HTR1F: variants seen among roughly 807,000 people sequenced by gnomAD.
The protein encoded by HTR1F is 5-hydroxytryptamine receptor 1F, also known as 5-hydroxytryptamine (serotonin) receptor 1F, G protein-coupled.
In HTR1F, 17 loss-of-function variants were observed where a neutral mutation model predicts 24.0. That is an observed-to-expected ratio of 0.71 (90% confidence interval 0.48 to 1.06). The LOEUF (loss-of-function observed/expected upper bound fraction) is 1.06, where lower values mean the gene tolerates loss of function less well. HTR1F is among the 50% of genes least tolerant of loss of function. HTR1F has a pLI of 0.00. For synonymous variants in HTR1F, 186 were observed against 156.8 expected, an observed-to-expected ratio of 1.19 and a Z score of -1.39; for missense variants, 391 against 427.8, an observed-to-expected ratio of 0.91 and a Z score of 0.76.
At chr3:87,904,635 C>G (rs1297687781) in intron 2 of HTR1F, among the ~76,000 whole-genome samples, 1 of 152,028 alleles carries the variant, frequency 6.6e-6, no homozygotes, top group Non-Finnish European at 1.5e-5. Context: ...GTGGTATGGT[C>G]ATATCATACA....
rs1251550667 is a variant in HTR1F at position 87,813,471 on chromosome 3, TG to T, written c.-159-8536del. On this transcript the variant is annotated intron_variant, in intron 1 of 2. Coordinates refer to ENST00000319595, the MANE Select transcript of HTR1F (RefSeq NM_001322209.2). ...TACAAGTTCATAGGTAGAAGAGACT[TG>T]CCTTGTCTCAGGTGAGACTTTGGAC... 4.6e-5 allele frequency among the ~76,000 whole-genome samples: 7 copies of T among 152,208 alleles called. 1 individual carries two copies. The South Asian group carries it at 1.2e-3, about 27-fold the overall frequency.
chr3:87,978,547 G>A (rs539954641), intron 2 of HTR1F, among the ~76,000 whole-genome samples: 1 of 152,186 alleles, frequency 6.6e-6, no homozygotes, highest in South Asian at 2.1e-4. Context: ...CAGGCAGGTT[G>A]TCTGTGGCCC....
At chr3:87,875,342 C>T (rs1044221217) in intron 2 of HTR1F, among the ~76,000 whole-genome samples, 3 of 151,562 alleles carry the variant, frequency 2.0e-5, no homozygotes, top group African/African-American at 7.3e-5. Context: ...CCCAGCTACT[C>T]AGAGGCTGAG....
chr3:87,990,706 A>G lies in HTR1F; in HGVS notation c.-42-2A>G, dbSNP rs1180531968. On this transcript the variant is annotated splice_acceptor_variant, in intron 2 of 2. Transcript: ENST00000319595. LOFTEE classifies it low-confidence loss of function (5UTR_SPLICE). Reference sequence around the variant, plus strand: ...ACTGTTTTTTCTCTTCCCTTGTTACAGGTATCCATTTTTCAGCTATATTAA... The same window carrying G: ...ACTGTTTTTTCTCTTCCCTTGTTACGGGTATCCATTTTTCAGCTATATTAA... The G allele has an allele frequency of 6.9e-7, 1 of 1,449,098 alleles. No homozygotes were observed. Among genetic ancestry groups the G allele is most frequent in the East Asian group, 2.3e-5 (1 of 43,866 alleles). 89.8% of individuals were successfully genotyped at this position (1,449,098 alleles called of 1,614,324 possible). A position where few individuals can be genotyped will look rare whatever the true frequency, so the allele number is the denominator to read the frequency against.
chr3:87,887,089 C>G (rs1283359107), intron 2 of HTR1F, among the ~76,000 whole-genome samples: 1 of 152,148 alleles, frequency 6.6e-6, no homozygotes, highest in South Asian at 2.1e-4. Context: ...TACAAGGCTA[C>G]AGTAACAAAA....
At chr3:87,882,076 G>A (rs1242867793) in intron 2 of HTR1F, among the ~76,000 whole-genome samples, 2 of 152,132 alleles carry the variant, frequency 1.3e-5, no homozygotes, top group African/African-American at 2.4e-5. Flanking sequence ...TCTCAAAAGA[G>A]GACATTTATG....
intron 2 of HTR1F, among the ~76,000 whole-genome samples, chr3:87,895,026 T>TA (rs1480704238): frequency 6.6e-6 from 1 of 152,132 alleles, no homozygotes; most frequent in African/African-American, 2.4e-5. Context: ...GTATTAGTCC[T>TA]AAAGGATTAA....
intron 2 of HTR1F, among the ~76,000 whole-genome samples, chr3:87,894,559 CTT>C (rs35190252): frequency 4.0e-5 from 3 of 74,656 alleles, no homozygotes; most frequent in African/African-American, 6.1e-5. Context: ...TGCCCAGCCT[CTT>C]TTTTTTTTTT....
At chr3:87,854,102 C>A (rs1036398435) in intron 2 of HTR1F, among the ~76,000 whole-genome samples, 1 of 151,538 alleles carries the variant, frequency 6.6e-6, no homozygotes, top group Admixed American at 6.6e-5. Context: ...TCACTTTGTT[C>A]GTTTCTTCTT....
chr3:87,861,207 A>C (rs1285133656), intron 2 of HTR1F, among the ~76,000 whole-genome samples: 1 of 152,142 alleles, frequency 6.6e-6, no homozygotes, highest in Non-Finnish European at 1.5e-5. Flanking sequence ...TATATCTAAG[A>C]AAGTATGCAA....
At chr3:87,988,586 C>G (rs1245087596) in intron 2 of HTR1F, among the ~76,000 whole-genome samples, 4 of 152,000 alleles carry the variant, frequency 2.6e-5, no homozygotes, top group Admixed American at 2.0e-4. Flanking sequence ...TGTTGTTGTT[C>G]TTGTTGTTGT....
chr3:87,823,120 TATATC>T (rs1367107313), intron 2 of HTR1F, among the ~76,000 whole-genome samples: 1 of 152,206 alleles, frequency 6.6e-6, no homozygotes, highest in Non-Finnish European at 1.5e-5. Flanking sequence ...CAGCATGACA[TATATC>T]ATGTAAGCTA....
chr3:87,971,367 A>C (rs1211886304), intron 2 of HTR1F, among the ~76,000 whole-genome samples: 1 of 152,026 alleles, frequency 6.6e-6, no homozygotes, highest in African/African-American at 2.4e-5. Context: ...CAGGAGCTTG[A>C]GATTAGCCTG....
intron 2 of HTR1F, among the ~76,000 whole-genome samples, chr3:87,877,282 G>T (rs981889138): frequency 3.3e-5 from 5 of 152,062 alleles, no homozygotes; most frequent in African/African-American, 9.7e-5. Flanking sequence ...TTAGTATAAG[G>T]ATTAAATGGA....
At chr3:87,885,709 C>T (rs1705923661) in intron 2 of HTR1F, among the ~76,000 whole-genome samples, 1 of 152,126 alleles carries the variant, frequency 6.6e-6, no homozygotes, top group Non-Finnish European at 1.5e-5. Context: ...ATACTATAAA[C>T]ACCTCTATGC....
intron 2 of HTR1F, among the ~76,000 whole-genome samples, chr3:87,843,310 CATG>C (rs908555577): frequency 2.0e-5 from 3 of 151,776 alleles, no homozygotes; most frequent in Non-Finnish European, 2.9e-5. Flanking sequence ...GCATTCTGTT[CATG>C]ATGTTATTAA....
intron 2 of HTR1F, among the ~76,000 whole-genome samples, chr3:87,856,967 C>T (rs1705211774): frequency 6.6e-6 from 1 of 152,118 alleles, no homozygotes; most frequent in African/African-American, 2.4e-5. Flanking sequence ...CTGATTCTGC[C>T]AATGCTTTCA....
chr3:87,823,883 A>T (rs1704409875), intron 2 of HTR1F, among the ~76,000 whole-genome samples: 3 of 151,806 alleles, frequency 2.0e-5, no homozygotes, highest in Admixed American at 2.0e-4. Flanking sequence ...ACATGGTGAA[A>T]CCCTGTCTCT....
chr3:87,811,063 C>G (rs560897577), intron 1 of HTR1F, among the ~76,000 whole-genome samples: 1 of 152,236 alleles, frequency 6.6e-6, no homozygotes, highest in East Asian at 1.9e-4. Context: ...ATTTCAGATA[C>G]TTTATTAATT....
Sources: gnomAD v4.1 joint callset for allele counts (sites outside exome capture counted in the v4.1 genomes callset) on GRCh38, gnomAD v4.1.1 for gene constraint, MANE v1.5 for transcripts, NCBI Gene and HGNC (gene_info 2026-07-23, HGNC 2026-07-21) for gene names.